The following WDFY4 variants were observed in gnomAD, a reference collection of about 807,000 sequenced individuals.
The protein encoded by WDFY4 is WD repeat- and FYVE domain-containing protein 4.
A neutral mutation model predicts 351.9 loss-of-function variants in WDFY4; 169 were observed. The ratio of observed to expected loss-of-function variants is 0.48; its 90% CI spans 0.42 to 0.55. WDFY4 has a LOEUF of 0.55. Among genes scored for constraint, WDFY4 ranks in the 20% least tolerant of loss-of-function variants. WDFY4 has a pLI of 0.00. For missense variants in WDFY4, 3,803 were observed against 3,935.6 expected (o/e 0.97, Z 0.90); for synonymous variants, 1,622 against 1,574.6 (o/e 1.03, Z -0.71).
chr10:48,857,063 C>T lies in WDFY4; in HGVS notation c.6664-10202C>T, dbSNP rs142404149. Among the ~76,000 whole-genome samples, 4 of 152,314 alleles carry T rather than the reference C, an allele frequency of 2.6e-5. No homozygotes were observed. The East Asian group carries it at 5.8e-4, about 22-fold the overall frequency. On this transcript the variant is annotated intron_variant, in intron 39 of 61. Coordinates refer to ENST00000325239, the MANE Select transcript of WDFY4 (RefSeq NM_001394531.1). ...CTTTCAAGAAAATAGCTGCCAAATA[C>T]TCATGCCAATAACTGTAATTTTGTC... is the stretch of plus-strand genomic sequence containing the variant.
chr10:48,741,143 T>A (rs938891980), intron 11 of WDFY4, among the ~76,000 whole-genome samples: 1 of 152,164 alleles, frequency 6.6e-6, no homozygotes, highest in Non-Finnish European at 1.5e-5. Context: ...CTCGCCTGTG[T>A]GCACTAAGAG....
chr10:48,897,201 C>G (rs1463464248), intron 44 of WDFY4, among the ~76,000 whole-genome samples: 10 of 152,210 alleles, frequency 6.6e-5, no homozygotes, highest in Admixed American at 6.5e-4. Flanking sequence ...GGCTGGCACC[C>G]CACCCTGTTC....
rs1273457594 is a variant in WDFY4 at position 48,828,835 on chromosome 10, C to G, written c.6279C>G (p.Val2093=). 1 of 1,546,584 alleles carries G rather than the reference C, an allele frequency of 6.5e-7. No homozygotes were observed. Among genetic ancestry groups the G allele is most frequent in the South Asian group, 1.2e-5 (1 of 83,678 alleles). Residue 2093 remains valine (V), a synonymous_variant, in exon 37 of 62, where the codon GTC becomes GTG. Coordinates refer to ENST00000325239, the MANE Select transcript of WDFY4 (RefSeq NM_001394531.1). ...PKPRMSTYHQ[V]FLSPNEDVKE... ...CTAGAATGTCTACTTATCATCAAGT[C>G]TTCCTTTCCCCAAATGAAGACGTGA...
intron 49 of WDFY4, 117 bp downstream of exon 49, chr10:48,943,566 C>T: frequency 8.9e-7 from 1 of 1,123,958 alleles, no homozygotes; most frequent in East Asian, 2.8e-5. Flanking sequence ...AACCTGGGTA[C>T]CTGGGCCTAA....
chr10:48,826,489 T>G (rs1299805080), intron 35 of WDFY4, among the ~76,000 whole-genome samples, 182 bp from the exon 36 acceptor site: 1 of 152,252 alleles, frequency 6.6e-6, no homozygotes, highest in East Asian at 1.9e-4. Flanking sequence ...AAATAGTTTC[T>G]TCTAATTCTG....
chr10:48,822,271 G>A (rs955591240), intron 34 of WDFY4, 109 bp from the exon 35 acceptor site: 3 of 1,206,616 alleles, frequency 2.5e-6, no homozygotes, highest in Non-Finnish European at 3.3e-6. Flanking sequence ...GGAACCATGG[G>A]GTACACAGAG....
intron 1 of WDFY4, among the ~76,000 whole-genome samples, chr10:48,702,003 A>G (rs572324123): frequency 1.3e-5 from 2 of 152,332 alleles, no homozygotes; most frequent in South Asian, 4.1e-4. Context: ...ACCTCTGTAC[A>G]TGTTTTCTTA....
intron 45 of WDFY4, among the ~76,000 whole-genome samples, chr10:48,899,977 C>T (rs1452332314): frequency 6.6e-6 from 1 of 152,158 alleles, no homozygotes; most frequent in African/African-American, 2.4e-5. Context: ...TGGGAGTGGA[C>T]CTTTCGCTTC....
At chr10:48,768,572 G>T (rs1417642314) in intron 13 of WDFY4, among the ~76,000 whole-genome samples, 1 of 152,118 alleles carries the variant, frequency 6.6e-6, no homozygotes. Context: ...AGCCCTCTGG[G>T]TTAGGCGCGC....
At position 48,821,095 on chromosome 10, in the gene WDFY4, C is replaced by T. The variant is rs765553426; in HGVS notation, c.5743C>T (p.Arg1915Ter). 31 of 1,551,572 alleles carry T rather than the reference C, an allele frequency of 2.0e-5. No homozygotes were observed. The highest frequency in any genetic ancestry group is 1.2e-4 in the Admixed American group (6 of 50,984). Reference sequence around the variant, plus strand: ...AGACCACGCCACCAGCCAACAGAAGCGAGACTTCCAGTCCGAGGTCCTGCT... The same window carrying T: ...AGACCACGCCACCAGCCAACAGAAGTGAGACTTCCAGTCCGAGGTCCTGCT... ...SPDHATSQQK[R>*]DFQSEVLLSA... The change falls in exon 34 of 62, where the codon CGA becomes TGA. Residue 1915 changes from arginine (R) to a stop codon, truncating the protein, a stop_gained. Coordinates refer to ENST00000325239, the MANE Select transcript of WDFY4 (RefSeq NM_001394531.1). LOFTEE classifies it high-confidence loss of function.
intron 31 of WDFY4, among the ~76,000 whole-genome samples, 169 bp downstream of exon 31, chr10:48,814,251 A>C (rs904903817): frequency 3.3e-5 from 5 of 152,264 alleles, no homozygotes; most frequent in African/African-American, 1.2e-4. Context: ...GCACAACTGG[A>C]AACCCAGCCT....
At position 48,730,979 on chromosome 10, in the gene WDFY4, G is replaced by A. The variant is rs889566030; in HGVS notation, c.1130-131G>A. 1.1e-5 allele frequency: 12 copies of A among 1,066,108 alleles called. No homozygotes were observed. The African/African-American group carries it at 1.6e-4, about 14-fold the overall frequency. The allele number at this position is 1,066,108 out of a possible 1,614,324, so 66.0% of individuals were successfully genotyped here. On this transcript the variant is annotated intron_variant, in intron 8 of 61. Transcript: ENST00000325239. Reference sequence around the variant, plus strand: ...AGGTGGCTGGCTTTTCTGGACTTCTGATGGACATGTGCCCATAGGAGTTAG... The same window carrying A: ...AGGTGGCTGGCTTTTCTGGACTTCTAATGGACATGTGCCCATAGGAGTTAG...
chr10:48,775,590 T>C (rs1036268880), intron 14 of WDFY4, 122 bp from the exon 15 acceptor site: 19 of 864,026 alleles, frequency 2.2e-5, no homozygotes, highest in Non-Finnish European at 2.6e-5. Context: ...TCAGAAAGGG[T>C]GTTCCAGTGG....
intron 16 of WDFY4, among the ~76,000 whole-genome samples, 185 bp from the exon 17 acceptor site, chr10:48,777,234 G>T (rs1247856985): frequency 6.6e-6 from 1 of 152,174 alleles, no homozygotes; most frequent in African/African-American, 2.4e-5. Flanking sequence ...TGCCTGCAGT[G>T]CAATTCCTTC....
intron 39 of WDFY4, among the ~76,000 whole-genome samples, chr10:48,840,735 G>A (rs571148060): frequency 1.3e-5 from 2 of 152,294 alleles, no homozygotes; most frequent in Admixed American, 6.5e-5. Flanking sequence ...GAATAAGGGG[G>A]AAGGATAAGA....
At chr10:48,841,275 T>C (rs2068595875) in intron 39 of WDFY4, among the ~76,000 whole-genome samples, 1 of 152,234 alleles carries the variant, frequency 6.6e-6, no homozygotes, top group African/African-American at 2.4e-5. Context: ...TCCATTGATA[T>C]ATTTGTTACT....
In WDFY4 at chr10:48,760,470, C is replaced by A. The variant is rs529421359; in HGVS notation, c.2553+30C>A. 3.9e-4 allele frequency: 609 copies of A among 1,546,088 alleles called. 9 individuals are homozygous for A. In the South Asian group the frequency reaches 6.9e-3, roughly 17 times the overall value. On this transcript the variant is annotated intron_variant, in intron 13 of 61. Transcript: ENST00000325239. ...CTGGTGTTGAATATGTGTGTTTTGT[C>A]ATCTTCACATGACTGATCTCTCAAA...
chr10:48,790,001 A>G lies in WDFY4; in HGVS notation c.4066+16A>G, dbSNP rs1257593364. Reference sequence around the variant, plus strand: ...GGTCAATTAGGTATGTTCAACTGGGAAGCTTTGCCGCTATTTGGGAAGCAG... The same window carrying G: ...GGTCAATTAGGTATGTTCAACTGGGGAGCTTTGCCGCTATTTGGGAAGCAG... On this transcript the variant is annotated intron_variant, in intron 22 of 61. Transcript: ENST00000325239. The G allele has an allele frequency of 6.4e-7, 1 of 1,550,762 alleles. No homozygotes were observed. Among genetic ancestry groups the G allele is most frequent in the Admixed American group, 2.0e-5 (1 of 50,996 alleles).
At chr10:48,814,640 G>C (rs531589920) in intron 31 of WDFY4, among the ~76,000 whole-genome samples, 34 of 152,360 alleles carry the variant, frequency 2.2e-4, no homozygotes, top group African/African-American at 7.9e-4. Flanking sequence ...AGGGTTTCCA[G>C]AAAAGGCTGA....
Sources: allele counts gnomAD v4.1 joint callset (sites outside exome capture counted in the v4.1 genomes callset), GRCh38; gene constraint gnomAD v4.1.1; transcripts MANE v1.5; gene names NCBI Gene and HGNC (gene_info 2026-07-23, HGNC 2026-07-21).